Variants in SCAF4 observed in about 807,000 individuals in gnomAD.
The protein encoded by SCAF4 is SR-related CTD associated factor 4, also known as SR-related and CTD-associated factor 4.
In SCAF4, 25 loss-of-function variants were observed where a neutral mutation model predicts 129.8. The observed-to-expected ratio is 0.19, with a 90% CI of 0.14 to 0.27. The LOEUF is 0.27. SCAF4 is among the 10% of genes least tolerant of loss of function. The pLI is 1.00. For synonymous variants in SCAF4, 551 were observed against 497.7 expected (o/e 1.11, Z -1.43); for missense variants, 1,246 against 1,457.1 (o/e 0.86, Z 2.36).
chr21:31,709,362 A>G (rs2050744295), intron 1 of SCAF4, among the ~76,000 whole-genome samples: 1 of 147,780 alleles, frequency 6.8e-6, no homozygotes, highest in Non-Finnish European at 1.5e-5. Flanking sequence ...AAAAAAAAAA[A>G]AAGAAAGAAA....
At chr21:31,731,444 C>G (rs912156088) in intron 1 of SCAF4, among the ~76,000 whole-genome samples, 10 of 152,044 alleles carry the variant, frequency 6.6e-5, no homozygotes, top group Admixed American at 6.5e-4. Context: ...AGGTCGCGGT[C>G]CGGGGGTGGG....
chr21:31,693,634 A>T, intron 11 of SCAF4, 150 bp from the exon 12 acceptor site: 1 of 437,448 alleles, frequency 2.3e-6, no homozygotes, highest in Non-Finnish European at 3.9e-6. Flanking sequence ...TTACAGATTT[A>T]GTATGTCCCA....
intron 18 of SCAF4, 61 bp from the exon 19 acceptor site, chr21:31,685,301 TTCTTATGCCATACTATAGA>T (rs1185370814): frequency 1.3e-6 from 2 of 1,502,540 alleles, no homozygotes; most frequent in East Asian, 4.5e-5. Context: ...CCGGTCAACA[TTCTTATGCCATACTATAGA>T]TCCTATTACC....
In SCAF4 at chr21:31,692,681, T is replaced by C. The variant is rs148423963; in HGVS notation, c.1514-232A>G. 7.9e-5 allele frequency among the ~76,000 whole-genome samples: 12 copies of C among 152,336 alleles called. No individual in the cohort carries two copies. The East Asian group carries it at 2.1e-3, about 27-fold the overall frequency. On this transcript the variant is annotated intron_variant, in intron 12 of 19. Coordinates refer to ENST00000286835, the MANE Select transcript of SCAF4 (RefSeq NM_020706.2). The stretch of plus-strand genomic sequence containing the variant: ...TAAAAGTTGGAAAAAACTGGTTTTT[T>C]TGTAGATGGATCTAAAGATTACATC...
chr21:31,712,889 T>C, intron 1 of SCAF4: 1 of 973,544 alleles, frequency 1.0e-6, no homozygotes, highest in South Asian at 4.8e-5. Context: ...GTTAATAGCA[T>C]GAAATGAAAG....
intron 19 of SCAF4, among the ~76,000 whole-genome samples, chr21:31,681,258 C>T (rs967133349): frequency 6.6e-6 from 1 of 152,152 alleles, no homozygotes; most frequent in African/African-American, 2.4e-5. Flanking sequence ...TGTCAAGAGG[C>T]TTTAATTTTC....
In SCAF4 at chr21:31,699,187, TA is replaced by T. The variant is rs977232894; in HGVS notation, c.777+1807del. 4.6e-5 allele frequency among the ~76,000 whole-genome samples: 7 copies of T among 152,124 alleles called. No individual in the cohort carries two copies. The South Asian group carries it at 1.5e-3, about 32-fold the overall frequency. On this transcript the variant is annotated intron_variant, in intron 7 of 19. Coordinates refer to ENST00000286835, the MANE Select transcript of SCAF4 (RefSeq NM_020706.2). ...CAGAAACATACAGGAATTTAGTGTA[TA>T]AAAAAGTAGTGAGGGAGAACTGGCT...
chr21:31,719,495 A>C (rs1375221838), intron 1 of SCAF4, among the ~76,000 whole-genome samples: 3 of 151,810 alleles, frequency 2.0e-5, no homozygotes, highest in African/African-American at 7.3e-5. Flanking sequence ...CTAATGTATT[A>C]TTATTCTTCT....
intron 12 of SCAF4, among the ~76,000 whole-genome samples, chr21:31,692,705 T>A (rs527828951): frequency 3.9e-5 from 6 of 152,288 alleles, no homozygotes; most frequent in Admixed American, 3.3e-4. Flanking sequence ...AAAGATTACA[T>A]CTATAAAAAC....
chr21:31,696,490 A>G (rs2050388734), intron 8 of SCAF4, 79 bp downstream of exon 8: 3 of 1,286,262 alleles, frequency 2.3e-6, no homozygotes, highest in African/African-American at 3.0e-5. Flanking sequence ...CATTGTTGTC[A>G]TTGCTAAATG....
intron 1 of SCAF4, among the ~76,000 whole-genome samples, chr21:31,724,979 C>T (rs1014157402): frequency 3.9e-5 from 6 of 152,154 alleles, no homozygotes; most frequent in Non-Finnish European, 5.9e-5. Flanking sequence ...CACTTTATCG[C>T]AATCACTATA....
intron 7 of SCAF4, among the ~76,000 whole-genome samples, chr21:31,699,475 C>T (rs2050467571): frequency 6.6e-6 from 1 of 150,432 alleles, no homozygotes; most frequent in African/African-American, 2.4e-5. Context: ...GAATTCTTTC[C>T]TTATTTTATA....
chr21:31,673,786 C>CT (rs1390785355), intron 19 of SCAF4, among the ~76,000 whole-genome samples: 2 of 152,256 alleles, frequency 1.3e-5, no homozygotes, highest in Admixed American at 1.3e-4. Context: ...GGCACAGTCT[C>CT]TTTTAATAGA....
intron 19 of SCAF4, among the ~76,000 whole-genome samples, chr21:31,676,022 C>T (rs1380103483): frequency 2.0e-5 from 3 of 152,116 alleles, no homozygotes; most frequent in African/African-American, 4.8e-5. Flanking sequence ...ACAGAGTGTA[C>T]GCAGTCAGGG....
At chr21:31,695,017 T>C in intron 9 of SCAF4, 37 bp from the exon 10 acceptor site, 1 of 1,546,964 alleles carries the variant, frequency 6.5e-7, no homozygotes, top group Non-Finnish European at 8.8e-7. Flanking sequence ...GTAATAGCTA[T>C]CAAAATAATT....
Position 31,723,658 on chromosome 21 carries a change from C to T in SCAF4, c.30+8005G>A, listed in dbSNP as rs960561797. 4.0e-5 allele frequency among the ~76,000 whole-genome samples: 6 copies of T among 149,254 alleles called. 1 individual carries two copies. In the South Asian group the frequency reaches 8.4e-4, roughly 21 times the overall value. ...CGCGCGCGCGCGCGCACATACAGTT[C>T]AAGTTTTCTTTCTGGCCATTTCCAT... is the stretch of plus-strand genomic sequence containing the variant. On this transcript the variant is annotated intron_variant, in intron 1 of 19. Transcript: ENST00000286835.
At chr21:31,683,728 CAAA>C (rs2050049417) in intron 19 of SCAF4, among the ~76,000 whole-genome samples, 1 of 150,794 alleles carries the variant, frequency 6.6e-6, no homozygotes, top group African/African-American at 2.4e-5. Flanking sequence ...AAAAGCATAA[CAAA>C]AAAGATGCAA....
At position 31,703,513 on chromosome 21, in the gene SCAF4, C is replaced by T. The variant is rs951886779; in HGVS notation, c.321+252G>A. The stretch of plus-strand genomic sequence containing the variant: ...TTCCCTTACCCCTAGTCCCTGGCAA[C>T]CACTATTAAACTCTTTGATTCTATA... On this transcript the variant is annotated intron_variant, in intron 4 of 19. Coordinates refer to ENST00000286835, the MANE Select transcript of SCAF4 (RefSeq NM_020706.2). 2.6e-5 allele frequency among the ~76,000 whole-genome samples: 4 copies of T among 152,028 alleles called. 1 individual carries two copies. The South Asian group carries it at 8.3e-4, about 32-fold the overall frequency.
At chr21:31,709,837 T>G (rs574988444) in intron 1 of SCAF4, among the ~76,000 whole-genome samples, 1 of 141,554 alleles carries the variant, frequency 7.1e-6, no homozygotes, top group Non-Finnish European at 1.5e-5. Context: ...CTGTTACACC[T>G]GTTTTGAGAT....
Sources: gnomAD v4.1 joint callset for allele counts (sites outside exome capture counted in the v4.1 genomes callset) on GRCh38, gnomAD v4.1.1 for gene constraint, MANE v1.5 for transcripts, NCBI Gene and HGNC (gene_info 2026-07-23, HGNC 2026-07-21) for gene names.